USP15: variants seen among roughly 807,000 people sequenced by gnomAD.
USP15 encodes ubiquitin specific peptidase 15.
Under a neutral mutation model 127.1 loss-of-function variants are expected in USP15, and 18 were observed. That is an observed-to-expected ratio of 0.14 (90% CI 0.10 to 0.21). The LOEUF (loss-of-function observed/expected upper bound fraction) is 0.21, where lower values mean the gene tolerates loss of function less well. USP15 is among the 10% of genes least tolerant of loss of function. The pLI is 1.00. For missense variants in USP15, 805 were observed against 1,159.9 expected (o/e 0.69, Z 4.44); for synonymous variants, 364 against 393.7 (o/e 0.92, Z 0.89).
chr12:62,325,088 T>C (rs1242532080), intron 5 of USP15, among the ~76,000 whole-genome samples: 3 of 152,162 alleles, frequency 2.0e-5, no homozygotes, highest in Admixed American at 2.0e-4. Flanking sequence ...CTAATTTAAT[T>C]ATTTTTGCTA....
chr12:62,266,109 A>G (rs1026097661), intron 1 of USP15, among the ~76,000 whole-genome samples: 1 of 152,202 alleles, frequency 6.6e-6, no homozygotes, highest in African/African-American at 2.4e-5. Context: ...TTGATCCACA[A>G]GTACATTCAG....
At chr12:62,320,415 G>A (rs1274566591) in intron 4 of USP15, among the ~76,000 whole-genome samples, 4 of 152,122 alleles carry the variant, frequency 2.6e-5, no homozygotes, top group African/African-American at 9.7e-5. Flanking sequence ...ACAGCCCATG[G>A]AACTGTAAGT....
chr12:62,319,367 A>G (rs181294117), intron 4 of USP15, among the ~76,000 whole-genome samples: 1 of 152,322 alleles, frequency 6.6e-6, no homozygotes, highest in African/African-American at 2.4e-5. Context: ...ACACAGAGCC[A>G]AACCTTATCA....
intron 1 of USP15, among the ~76,000 whole-genome samples, chr12:62,288,863 T>C (rs1351692009): frequency 6.6e-6 from 1 of 152,194 alleles, no homozygotes; most frequent in Non-Finnish European, 1.5e-5. Context: ...GTTTTTGTTT[T>C]TAATTTTGTT....
At chr12:62,346,804 G>A (rs964803819) in intron 6 of USP15, among the ~76,000 whole-genome samples, 5 of 152,084 alleles carry the variant, frequency 3.3e-5, no homozygotes, top group Non-Finnish European at 5.9e-5. Context: ...ACCTACCTTA[G>A]TAACCTCTGT....
intron 9 of USP15, among the ~76,000 whole-genome samples, chr12:62,382,405 G>A (rs1565902109): frequency 6.6e-6 from 1 of 151,924 alleles, no homozygotes; most frequent in Non-Finnish European, 1.5e-5. Context: ...GGCATTGATA[G>A]AGGACATCTA....
rs1358875269 is a variant in USP15 at position 62,413,268 on chromosome 12, A to G, written c.*8893A>G. On this transcript the variant is annotated 3_prime_UTR_variant, in exon 22 of 22. Coordinates refer to ENST00000280377, the MANE Select transcript of USP15 (RefSeq NM_001252078.2). ...TCCTTTTATAGAGCAAAAACATTAT[A>G]TTTAGTTTAATTTTAAGGACCCTAG... 6.6e-6 allele frequency: 1 copy of G among 152,130 alleles called. No individual in the cohort carries two copies. The highest frequency in any genetic ancestry group is 1.5e-5 in the Non-Finnish European group (1 of 68,028). 9.4% of individuals were successfully genotyped at this position (152,130 alleles called of 1,614,324 possible).
chr12:62,286,228 A>C (rs1405052861), intron 1 of USP15, among the ~76,000 whole-genome samples: 1 of 152,226 alleles, frequency 6.6e-6, no homozygotes, highest in African/African-American at 2.4e-5. Flanking sequence ...AAGAACATGA[A>C]GAGAATTCTC....
At chr12:62,335,211 T>G (rs2065424466) in intron 6 of USP15, 1 of 1,535,488 alleles carries the variant, frequency 6.5e-7, no homozygotes, top group Admixed American at 2.0e-5. Flanking sequence ...AATTTCCACA[T>G]ACGTCACAGA....
intron 6 of USP15, among the ~76,000 whole-genome samples, chr12:62,329,012 C>G (rs2065207927): frequency 6.6e-6 from 1 of 152,126 alleles, no homozygotes; most frequent in African/African-American, 2.4e-5. Context: ...TATGCAAAGG[C>G]TAACTCTTGA....
chr12:62,391,084 T>G, intron 15 of USP15, 73 bp from the exon 16 acceptor site: 1 of 1,501,162 alleles, frequency 6.7e-7, no homozygotes, highest in Non-Finnish European at 8.9e-7. Flanking sequence ...CCTGGAAACC[T>G]AGGATTAATA....
intron 1 of USP15, among the ~76,000 whole-genome samples, chr12:62,293,304 G>A (rs1006891255): frequency 2.0e-5 from 3 of 151,924 alleles, no homozygotes; most frequent in Admixed American, 6.6e-5. Context: ...TGTGATTTTT[G>A]TGTACTAGTA....
intron 1 of USP15, among the ~76,000 whole-genome samples, chr12:62,290,920 A>G (rs942208683): frequency 1.3e-5 from 2 of 151,408 alleles, no homozygotes; most frequent in African/African-American, 2.4e-5. Context: ...TTTTTTCTTT[A>G]AGCCTATTTT....
chr12:62,393,326 G>T, intron 19 of USP15, 124 bp downstream of exon 19: 2 of 1,131,918 alleles, frequency 1.8e-6, no homozygotes, highest in Non-Finnish European at 2.4e-6. Flanking sequence ...TTTCAAGTTT[G>T]TTTTTGAGTA....
intron 1 of USP15, among the ~76,000 whole-genome samples, chr12:62,267,799 T>C (rs1400017655): frequency 6.6e-6 from 1 of 152,076 alleles, no homozygotes; most frequent in East Asian, 1.9e-4. Context: ...CCTGAGAACA[T>C]TTAGAGACAA....
At chr12:62,326,789 TA>T (rs1202274346) in intron 6 of USP15, among the ~76,000 whole-genome samples, 2 of 152,222 alleles carry the variant, frequency 1.3e-5, no homozygotes, top group African/African-American at 4.8e-5. Flanking sequence ...AACAATTTAG[TA>T]CATTTTAACC....
At chr12:62,268,086 C>T (rs570373488) in intron 1 of USP15, among the ~76,000 whole-genome samples, 1 of 152,106 alleles carries the variant, frequency 6.6e-6, no homozygotes, top group African/African-American at 2.4e-5. Context: ...ACTTATTACT[C>T]ATTTACTATG....
At chr12:62,388,380 G>A (rs1464504437) in intron 11 of USP15, among the ~76,000 whole-genome samples, 1 of 152,146 alleles carries the variant, frequency 6.6e-6, no homozygotes, top group African/African-American at 2.4e-5. Flanking sequence ...CGATTCACCT[G>A]CCTTGGCCTC....
At chr12:62,287,209 T>C (rs1349150181) in intron 1 of USP15, among the ~76,000 whole-genome samples, 1 of 151,956 alleles carries the variant, frequency 6.6e-6, no homozygotes, top group African/African-American at 2.4e-5. Flanking sequence ...GAAAAAAACC[T>C]CTCAGGTACC....
Sources: gnomAD v4.1 joint callset for allele counts (sites outside exome capture counted in the v4.1 genomes callset) on GRCh38, gnomAD v4.1.1 for gene constraint, MANE v1.5 for transcripts, NCBI Gene and HGNC (gene_info 2026-07-23, HGNC 2026-07-21) for gene names.